Variants in NPFFR2 observed in about 807,000 individuals in gnomAD.
NPFFR2 encodes neuropeptide FF receptor 2.
Under a neutral mutation model 13.1 loss-of-function variants are expected in NPFFR2, and 15 were observed. The ratio of observed to expected loss-of-function variants is 1.15; its 90% CI spans 0.77 to 1.76. The LOEUF is 1.76. NPFFR2 is among the 40% of genes most tolerant of loss of function. The probability of loss-of-function intolerance (pLI) is 0.00; values close to 1 mark genes in which losing one functional copy is unlikely to be tolerated. For missense variants in NPFFR2, 572 were observed against 503.5 expected (o/e 1.14, Z -1.30); for synonymous variants, 190 against 175.7 (o/e 1.08, Z -0.65).
intron 1 of NPFFR2, among the ~76,000 whole-genome samples, chr4:72,092,940 T>C (rs969415500): frequency 6.6e-6 from 1 of 152,192 alleles, no homozygotes; most frequent in Non-Finnish European, 1.5e-5. Context: ...GTGAGTTTTA[T>C]GCTTCAAGGA....
At position 72,081,961 on chromosome 4, in the gene NPFFR2, A is replaced by G. The variant is rs372970797; in HGVS notation, c.-7-46624A>G. Among the ~76,000 whole-genome samples the G allele has an allele frequency of 1.4e-4, 22 of 152,272 alleles. No homozygotes were observed. The South Asian group carries it at 4.4e-3, about 30-fold the overall frequency. On this transcript the variant is annotated intron_variant, in intron 1 of 3. Transcript: ENST00000308744. ...TTCCATCCCACTACCATATTCTTAC[A>G]CATTTTATAGGCAAGACACAGGGAT...
chr4:72,124,957 A>G (rs1244084815), intron 1 of NPFFR2, among the ~76,000 whole-genome samples: 1 of 152,258 alleles, frequency 6.6e-6, no homozygotes, highest in Non-Finnish European at 1.5e-5. Context: ...CTGTGCAGCA[A>G]AAGAAACTAT....
intron 1 of NPFFR2, among the ~76,000 whole-genome samples, chr4:72,106,287 C>G (rs1295522585): frequency 6.6e-6 from 1 of 151,968 alleles, no homozygotes; most frequent in Non-Finnish European, 1.5e-5. Context: ...GTTGGTGTCA[C>G]TCGCCAACTG....
At chr4:72,138,848 C>A (rs199980692) in intron 3 of NPFFR2, among the ~76,000 whole-genome samples, 1 of 152,148 alleles carries the variant, frequency 6.6e-6, no homozygotes, top group South Asian at 2.1e-4. Context: ...CTGTCTTCCC[C>A]AGTGACTGAA....
chr4:72,056,444 C>T (rs1409727258), intron 1 of NPFFR2, among the ~76,000 whole-genome samples: 1 of 151,948 alleles, frequency 6.6e-6, no homozygotes, highest in Non-Finnish European at 1.5e-5. Context: ...TACAATGCAC[C>T]TGGTCACTCA....
Position 72,032,157 on chromosome 4 carries a change from T to G in NPFFR2, c.-51T>G. On this transcript the variant is annotated 5_prime_UTR_variant, in exon 1 of 4. Transcript: ENST00000308744. ...CAGAACCTGTTGCTGCAGACGGGCTTGGTGGATTCTGGTTCCTGCCGCCGA... is the reference window on the plus strand; with the variant it reads ...CAGAACCTGTTGCTGCAGACGGGCTGGGTGGATTCTGGTTCCTGCCGCCGA... The G allele has an allele frequency of 6.2e-7, 1 of 1,613,440 alleles. No individual in the cohort carries two copies. Among genetic ancestry groups the G allele is most frequent in the Non-Finnish European group, 8.5e-7 (1 of 1,179,608 alleles).
chr4:72,146,859 T>G, intron 3 of NPFFR2, 119 bp from the exon 4 acceptor site: 1 of 684,244 alleles, frequency 1.5e-6, no homozygotes, highest in Non-Finnish European at 2.5e-6. Flanking sequence ...AATGGTAACT[T>G]TCTATATTTT....
At chr4:72,047,687 A>G (rs185971917) in intron 1 of NPFFR2, among the ~76,000 whole-genome samples, 41 of 152,314 alleles carry the variant, frequency 2.7e-4, no homozygotes, top group Admixed American at 2.4e-3. Flanking sequence ...TATTGTGTTT[A>G]ATTCACAGCA....
chr4:72,121,733 C>T (rs899143697), intron 1 of NPFFR2, among the ~76,000 whole-genome samples: 1 of 152,178 alleles, frequency 6.6e-6, no homozygotes, highest in Non-Finnish European at 1.5e-5. Context: ...GCCTGCCTTA[C>T]AAGAGCTCCT....
intron 3 of NPFFR2, among the ~76,000 whole-genome samples, chr4:72,140,373 A>C (rs1722566406): frequency 6.6e-6 from 1 of 152,218 alleles, no homozygotes. Context: ...TTGCCCATTC[A>C]GTATAATGTT....
At chr4:72,062,211 G>A (rs1294787803) in intron 1 of NPFFR2, among the ~76,000 whole-genome samples, 1 of 151,940 alleles carries the variant, frequency 6.6e-6, no homozygotes, top group Non-Finnish European at 1.5e-5. Context: ...TTACATAAAG[G>A]ACACTCATCT....
intron 3 of NPFFR2, among the ~76,000 whole-genome samples, chr4:72,141,633 T>A (rs1722628687): frequency 6.6e-6 from 1 of 152,198 alleles, no homozygotes. Flanking sequence ...GACAGTTTGT[T>A]GTGATTTCTG....
chr4:72,102,806 A>C (rs1721294375), intron 1 of NPFFR2, among the ~76,000 whole-genome samples: 1 of 151,912 alleles, frequency 6.6e-6, no homozygotes, highest in Non-Finnish European at 1.5e-5. Flanking sequence ...AGTCTTTGCT[A>C]TTGTGAATAG....
In NPFFR2 at chr4:72,147,028, C is replaced by G. The variant is rs201155248; in HGVS notation, c.479C>G (p.Ala160Gly). 20 of 1,613,964 alleles carry G rather than the reference C, an allele frequency of 1.2e-5. No individual in the cohort carries two copies. The highest frequency in any genetic ancestry group is 1.7e-4 in the Middle Eastern group (1 of 6,060). ...AAACCAAAGCTCACTATCAAGACAG[C>G]GTTTGTCATTATTATGATCATCTGG... ...PFKPKLTIKT[A>G]FVIIMIIWVL... The change falls in exon 4 of 4, where the codon GCG becomes GGG. Residue 160 changes from alanine (A) to glycine (G), a missense_variant. Coordinates refer to ENST00000308744, the MANE Select transcript of NPFFR2 (RefSeq NM_004885.3).
At position 72,108,656 on chromosome 4, in the gene NPFFR2, T is replaced by C. The variant is rs149074339; in HGVS notation, c.-7-19929T>C. On this transcript the variant is annotated intron_variant, in intron 1 of 3. Coordinates refer to ENST00000308744, the MANE Select transcript of NPFFR2 (RefSeq NM_004885.3). ...TTATGAAAGTTTATTTTTATGCATA[T>C]TATATTTTATAGATCTTGTTCAAAT... Among the ~76,000 whole-genome samples, 12 of 152,164 alleles carry C rather than the reference T, an allele frequency of 7.9e-5. No homozygotes were observed. The East Asian group carries it at 2.3e-3, about 29-fold the overall frequency.
intron 1 of NPFFR2, among the ~76,000 whole-genome samples, chr4:72,049,710 T>A (rs1457368282): frequency 6.6e-6 from 1 of 150,980 alleles, no homozygotes; most frequent in African/African-American, 2.5e-5. Flanking sequence ...AAATATCTAT[T>A]GAGATATTGT....
chr4:72,064,323 C>T (rs1720006537), intron 1 of NPFFR2, among the ~76,000 whole-genome samples: 1 of 152,172 alleles, frequency 6.6e-6, no homozygotes, highest in African/African-American at 2.4e-5. Flanking sequence ...AGGGAGGATC[C>T]ACTTCCATGC....
chr4:72,120,366 A>G (rs1464692253), intron 1 of NPFFR2, among the ~76,000 whole-genome samples: 6 of 152,114 alleles, frequency 3.9e-5, no homozygotes, highest in Non-Finnish European at 7.3e-5. Flanking sequence ...CTGGCTCTGA[A>G]AAGAGCAGCA....
intron 1 of NPFFR2, among the ~76,000 whole-genome samples, chr4:72,127,299 A>G (rs1167271473): frequency 2.2e-4 from 7 of 31,294 alleles, no homozygotes; most frequent in African/African-American, 4.8e-4. Flanking sequence ...GCTAGACTCC[A>G]TCTCAAAAAA....
Sources: gnomAD v4.1 joint callset for allele counts (sites outside exome capture counted in the v4.1 genomes callset) on GRCh38, gnomAD v4.1.1 for gene constraint, MANE v1.5 for transcripts, NCBI Gene and HGNC (gene_info 2026-07-23, HGNC 2026-07-21) for gene names.